The following CNTD1 variants were observed in gnomAD, a reference collection of about 807,000 sequenced individuals.
CNTD1 encodes cyclin N-terminal domain containing 1, also known as cyclin N-terminal domain-containing protein 1.
A neutral mutation model predicts 36.3 loss-of-function variants in CNTD1; 17 were observed. That is an observed-to-expected ratio of 0.47 (90% CI 0.32 to 0.70). The LOEUF (loss-of-function observed/expected upper bound fraction) is 0.70. Ranked by LOEUF, CNTD1 falls within the 30% of genes least tolerant of loss-of-function variation. The pLI, the probability that CNTD1 is intolerant of heterozygous loss-of-function variation, is 0.03. For missense variants in CNTD1, 338 were observed against 386.1 expected (o/e 0.88, Z 1.04); for synonymous variants, 128 against 153.3 (o/e 0.83, Z 1.22).
In CNTD1 at chr17:42,809,621, A is replaced by C; in HGVS notation, c.*86A>C. The C allele has an allele frequency of 8.0e-7, 1 of 1,246,590 alleles. No individual in the cohort carries two copies. The highest frequency in any genetic ancestry group is 1.1e-6 in the Non-Finnish European group (1 of 886,144). 77.2% of individuals were successfully genotyped at this position (1,246,590 alleles called of 1,614,324 possible). ...TTTACTTTCATACTAAGGGTACAAAAATTCCAAGTCTCTTTTGAACTGTAT... is the reference window on the plus strand; with the variant it reads ...TTTACTTTCATACTAAGGGTACAAACATTCCAAGTCTCTTTTGAACTGTAT... On this transcript the variant is annotated 3_prime_UTR_variant, in exon 7 of 7. Coordinates refer to ENST00000588408, the MANE Select transcript of CNTD1 (RefSeq NM_173478.3).
intron 5 of CNTD1, 35 bp from the exon 6 acceptor site, chr17:42,807,733 C>A: frequency 6.9e-7 from 1 of 1,442,192 alleles, no homozygotes; most frequent in South Asian, 1.1e-5. Flanking sequence ...AAGTTCCATT[C>A]TAGCTTTAAA....
In CNTD1 at chr17:42,799,193, G is replaced by T. The variant is rs767611711; in HGVS notation, c.126G>T (p.Glu42Asp). ...LAQQNEQAVR[E>D]ASGRLGRFRE... ...AGCAGAATGAGCAAGCAGTGAGGGA[G>T]GCTTCGGGGCGGCTGGGCCGCTTCA... The change falls in exon 1 of 7, where the codon GAG becomes GAT. Residue 42 changes from glutamate to aspartate, a missense_variant. Transcript: ENST00000588408. 6.2e-7 allele frequency: 1 copy of T among 1,614,130 alleles called. No homozygotes were observed. Among genetic ancestry groups the T allele is most frequent in the Admixed American group, 1.7e-5 (1 of 60,026 alleles).
intron 1 of CNTD1, among the ~76,000 whole-genome samples, chr17:42,800,518 C>T (rs2054761804): frequency 6.6e-6 from 1 of 152,030 alleles, no homozygotes; most frequent in Non-Finnish European, 1.5e-5. Context: ...GTTTGAATGC[C>T]AAGGGGAAGA....
At chr17:42,801,443 C>G (rs2054781373) in intron 1 of CNTD1, among the ~76,000 whole-genome samples, 1 of 138,054 alleles carries the variant, frequency 7.2e-6, no homozygotes. Flanking sequence ...TTGCAGTGAG[C>G]CAAGATCACG....
intron 6 of CNTD1, among the ~76,000 whole-genome samples, chr17:42,808,784 A>G (rs2054930447): frequency 6.6e-6 from 1 of 151,670 alleles, no homozygotes; most frequent in Non-Finnish European, 1.5e-5. Context: ...AGGGTTGCTC[A>G]CGCCTGTAAC....
At chr17:42,801,420 C>T (rs1385873651) in intron 1 of CNTD1, among the ~76,000 whole-genome samples, 1 of 141,160 alleles carries the variant, frequency 7.1e-6, no homozygotes, top group African/African-American at 2.6e-5. Context: ...GGCTGGAACC[C>T]GGGAGGCAGA....
chr17:42,801,510 AATATATATATATATATATAT>A (rs1216506814), intron 1 of CNTD1, among the ~76,000 whole-genome samples: 5 of 54,356 alleles, frequency 9.2e-5, no homozygotes, highest in Non-Finnish European at 1.5e-4. Flanking sequence ...AAAAAAAAAA[AATATATATATATATATATAT>A]ATATATATAT....
At chr17:42,808,806 G>A (rs973097284) in intron 6 of CNTD1, among the ~76,000 whole-genome samples, 1 of 150,842 alleles carries the variant, frequency 6.6e-6, no homozygotes, top group Non-Finnish European at 1.5e-5. Context: ...CCAGCATTTT[G>A]GGAGGCCAAG....
rs58044350 is a variant in CNTD1, at chr17:42,800,090, A to AAG, written c.169+854_169+855insAG. On this transcript the variant is annotated intron_variant, in intron 1 of 6. Transcript: ENST00000588408. ...TGTCTAAAAAAAAAAAAAAAAAAAA[A>AAG]GAGAAAAGAAAGATGAAATAGAGAT... Among the ~76,000 whole-genome samples, 3 of 146,924 alleles carry AAG rather than the reference A, an allele frequency of 2.0e-5. 1 individual carries two copies. Among genetic ancestry groups the AAG allele is most frequent in the African/African-American group, 7.9e-5 (3 of 37,746 alleles).
rs763188974 is a variant in CNTD1 at position 42,809,354 on chromosome 17, T to C, written c.823-11T>C. 5.6e-6 allele frequency: 9 copies of C among 1,597,992 alleles called. No homozygotes were observed. In the African/African-American group the frequency reaches 1.2e-4, roughly 21 times the overall value. On this transcript the variant is annotated splice_polypyrimidine_tract_variant and intron_variant, in intron 6 of 6. Transcript: ENST00000588408. ...TTTTTAGTAATAAGAAATCTGTCTC[T>C]ATTTCTGAAGGTTGTGGGGCATTTG...
chr17:42,811,101 A>G lies in CNTD1; in HGVS notation c.*1566A>G. 2 of 611,262 alleles carry G rather than the reference A, an allele frequency of 3.3e-6. No homozygotes were observed. The highest frequency in any genetic ancestry group is 5.3e-6 in the Non-Finnish European group (2 of 376,076). 37.9% of individuals were successfully genotyped at this position (611,262 alleles called of 1,614,324 possible). Reference sequence around the variant, plus strand: ...AAAGCCAAAAATCAAGAAGACTGTCACAAGAGCCTCATTGTCATTGCAGAG... The same window carrying G: ...AAAGCCAAAAATCAAGAAGACTGTCGCAAGAGCCTCATTGTCATTGCAGAG... On this transcript the variant is annotated 3_prime_UTR_variant, in exon 7 of 7. Coordinates refer to ENST00000588408, the MANE Select transcript of CNTD1 (RefSeq NM_173478.3).
chr17:42,805,712 C>T lies in CNTD1; in HGVS notation c.418-10C>T. Reference sequence around the variant, plus strand: ...TAACATTCTTCTTTCCCTCTCTTTTCTTTGCTCAGATAATCAGCAACATTA... The same window carrying T: ...TAACATTCTTCTTTCCCTCTCTTTTTTTTGCTCAGATAATCAGCAACATTA... On this transcript the variant is annotated splice_polypyrimidine_tract_variant and intron_variant, in intron 3 of 6. Transcript: ENST00000588408. 1.2e-6 allele frequency: 2 copies of T among 1,607,240 alleles called. No homozygotes were observed. The highest frequency in any genetic ancestry group is 1.7e-4 in the Middle Eastern group (1 of 6,026).
In CNTD1 at chr17:42,806,702, G is replaced by A. The variant is rs1351083841; in HGVS notation, c.609G>A (p.Met203Ile). 2 of 1,614,084 alleles carry A rather than the reference G, an allele frequency of 1.2e-6. No homozygotes were observed. Among genetic ancestry groups the A allele is most frequent in the Admixed American group, 1.7e-5 (1 of 60,016 alleles). ...LGYNGCLVPA[M>I]RLHATCLTLL... ...ACAATGGCTGTTTGGTTCCAGCCAT[G>A]AGGCTGCATGCAACCTGCCTGACAC... is the stretch of plus-strand genomic sequence containing the variant. Residue 203 changes from methionine to isoleucine, a missense_variant, in exon 5 of 7, where the codon ATG (methionine) becomes ATA (isoleucine). Transcript: ENST00000588408.
rs1237314864 is a variant in CNTD1, at chr17:42,810,100, A to G, written c.*565A>G. On this transcript the variant is annotated 3_prime_UTR_variant, in exon 7 of 7. Coordinates refer to ENST00000588408, the MANE Select transcript of CNTD1 (RefSeq NM_173478.3). ...ATTCTCCCAGAATACAAAGTACTCT[A>G]TTTTAAAGAAAAACCCAACAGTGCA... The G allele has an allele frequency of 2.6e-5, 4 of 152,474 alleles. No individual in the cohort carries two copies. Among genetic ancestry groups the G allele is most frequent in the African/African-American group, 9.6e-5 (4 of 41,460 alleles). 9.4% of individuals were successfully genotyped at this position (152,474 alleles called of 1,614,324 possible).
At chr17:42,809,099 GA>G (rs1486837158) in intron 6 of CNTD1, among the ~76,000 whole-genome samples, 1 of 152,208 alleles carries the variant, frequency 6.6e-6, no homozygotes, top group East Asian at 1.9e-4. Flanking sequence ...CTCAAATAAT[GA>G]AAATGTCAAG....
intron 5 of CNTD1, 21 bp downstream of exon 5, chr17:42,806,839 T>G (rs755187664): frequency 6.2e-7 from 1 of 1,612,662 alleles, no homozygotes; most frequent in Non-Finnish European, 8.5e-7. Flanking sequence ...TCCTATAGGG[T>G]AGGCTCCTTC....
intron 4 of CNTD1, among the ~76,000 whole-genome samples, chr17:42,806,396 T>G (rs2054879510): frequency 1.3e-5 from 2 of 152,254 alleles, no homozygotes; most frequent in South Asian, 4.1e-4. Flanking sequence ...TTGGACTCAC[T>G]AGGCACTCTT....
chr17:42,811,444 T>C lies in CNTD1; in HGVS notation c.*1909T>C, dbSNP rs1181312753. On this transcript the variant is annotated 3_prime_UTR_variant, in exon 7 of 7. Coordinates refer to ENST00000588408, the MANE Select transcript of CNTD1 (RefSeq NM_173478.3). ...TGCCAAGAAAACCCCCTAAACCATC[T>C]AAGGCAACATTCTTCTACTCCAAGG... is the stretch of plus-strand genomic sequence containing the variant. 5 of 502,136 alleles carry C rather than the reference T, an allele frequency of 1.0e-5. No homozygotes were observed. Among genetic ancestry groups the C allele is most frequent in the African/African-American group, 9.9e-5 (5 of 50,472 alleles). The allele number at this position is 502,136 out of a possible 1,614,324, so 31.1% of individuals were successfully genotyped here. A position where few individuals can be genotyped will look rare whatever the true frequency, so the allele number is the denominator to read the frequency against.
chr17:42,802,981 A>G (rs2054820762), intron 1 of CNTD1, among the ~76,000 whole-genome samples: 1 of 152,054 alleles, frequency 6.6e-6, no homozygotes, highest in African/African-American at 2.4e-5. Flanking sequence ...ATGTTCTCCA[A>G]TTTAGGGGAT....
Sources: gnomAD v4.1 joint callset for allele counts (sites outside exome capture counted in the v4.1 genomes callset) on GRCh38, gnomAD v4.1.1 for gene constraint, MANE v1.5 for transcripts, NCBI Gene and HGNC (gene_info 2026-07-23, HGNC 2026-07-21) for gene names.